Variants in ARMC8 observed in about 807,000 individuals in gnomAD.
ARMC8 encodes the protein armadillo repeat containing 8.
ARMC8 carries 20 observed loss-of-function variants against 99.3 expected under a neutral mutation model. That is an observed-to-expected ratio of 0.20 (90% CI 0.14 to 0.29). ARMC8 has a LOEUF of 0.29. Ranked by LOEUF, ARMC8 falls within the 10% of genes least tolerant of loss-of-function variation. The probability of loss-of-function intolerance (pLI) is 1.00; values close to 1 mark genes in which losing one functional copy is unlikely to be tolerated. For missense variants in ARMC8, 569 were observed against 809.5 expected (o/e 0.70, Z 3.60); for synonymous variants, 263 against 278.3 (o/e 0.95, Z 0.55).
chr3:138,288,811 T>A (rs550727361), intron 19 of ARMC8, among the ~76,000 whole-genome samples: 1 of 152,182 alleles, frequency 6.6e-6, no homozygotes, highest in African/African-American at 2.4e-5. Flanking sequence ...CAAATTTTTG[T>A]ATTTTTAGTA....
intron 18 of ARMC8, among the ~76,000 whole-genome samples, chr3:138,274,793 C>T (rs746341124): frequency 2.0e-5 from 3 of 152,204 alleles, no homozygotes; most frequent in Non-Finnish European, 4.4e-5. Context: ...CTGTCCCTGT[C>T]TCTACAGGAG....
intron 20 of ARMC8, among the ~76,000 whole-genome samples, chr3:138,290,090 G>C (rs1397531118): frequency 1.3e-5 from 2 of 152,232 alleles, no homozygotes; most frequent in Non-Finnish European, 2.9e-5. Context: ...CAGCTGTGCT[G>C]AGAGGCAACA....
At chr3:138,246,854 T>C in intron 12 of ARMC8, 1 of 942,098 alleles carries the variant, frequency 1.1e-6, no homozygotes, top group Non-Finnish European at 1.3e-6. Context: ...TGTAGAAAGA[T>C]GACAAATAAA....
intron 1 of ARMC8, among the ~76,000 whole-genome samples, chr3:138,199,041 A>G (rs371714073): frequency 1.2e-4 from 18 of 152,116 alleles, no homozygotes; most frequent in African/African-American, 4.3e-4. Context: ...TTTCCTTAGT[A>G]TGTTACATTC....
At chr3:138,207,482 C>A (rs2044435873) in intron 1 of ARMC8, among the ~76,000 whole-genome samples, 1 of 152,046 alleles carries the variant, frequency 6.6e-6, no homozygotes. Context: ...TGTTAAGATA[C>A]ACATCATTGA....
At chr3:138,290,913 G>C in intron 21 of ARMC8, among the ~76,000 whole-genome samples, 1 of 152,334 alleles carries the variant, frequency 6.6e-6, no homozygotes, top group Middle Eastern at 3.4e-3. Flanking sequence ...ACATTCGCCT[G>C]ATCATTAGAA....
intron 12 of ARMC8, among the ~76,000 whole-genome samples, chr3:138,255,295 C>CG (rs2047337320): frequency 6.6e-6 from 1 of 151,410 alleles, no homozygotes; most frequent in South Asian, 2.1e-4. Context: ...CTCCACCTCC[C>CG]GGGCTCAGGC....
In ARMC8 at chr3:138,237,567, A is replaced by G; in HGVS notation, c.771A>G (p.Ala257=). ...DKPIEMQLTS[A]KCLTYMCRAG... ...CTATTGAGATGCAGCTCACATCAGCAAAATGGTAAAAGTCAGGACAATGTG... is the reference window on the plus strand; with the variant it reads ...CTATTGAGATGCAGCTCACATCAGCGAAATGGTAAAAGTCAGGACAATGTG... Residue 257 remains alanine (A), a synonymous_variant, in exon 9 of 22, where the codon GCA becomes GCG. Transcript: ENST00000469044. 1.9e-6 allele frequency: 3 copies of G among 1,611,998 alleles called. No individual in the cohort carries two copies. Among genetic ancestry groups the G allele is most frequent in the Non-Finnish European group, 2.5e-6 (3 of 1,179,318 alleles).
intron 2 of ARMC8, among the ~76,000 whole-genome samples, chr3:138,220,836 CG>C (rs779587454): frequency 2.6e-5 from 4 of 151,744 alleles, no homozygotes; most frequent in Non-Finnish European, 5.9e-5. Context: ...ACCACAAGTG[CG>C]TGCCACCACA....
rs1428441949 is a variant in ARMC8, at chr3:138,221,910, CTT to C, written c.123-15_123-14del. The C allele has an allele frequency of 1.3e-6, 2 of 1,599,288 alleles. No homozygotes were observed. Among genetic ancestry groups the C allele is most frequent in the African/African-American group, 2.7e-5 (2 of 74,466 alleles). ...GCTGTCTCAACATACTTTATTTTTT[CTT>C]CCCCTTAATTCAGAGACATGAAAAA... On this transcript the variant is annotated splice_polypyrimidine_tract_variant and intron_variant, in intron 2 of 21. Coordinates refer to ENST00000469044, the MANE Select transcript of ARMC8 (RefSeq NM_001363941.2).
chr3:138,216,766 C>T (rs915391812), intron 2 of ARMC8, among the ~76,000 whole-genome samples: 7 of 152,106 alleles, frequency 4.6e-5, no homozygotes, highest in African/African-American at 1.2e-4. Context: ...TTTCAGTATC[C>T]AGTGTAGTTT....
intron 12 of ARMC8, chr3:138,245,933 CAG>C: frequency 2.0e-6 from 2 of 985,424 alleles, no homozygotes; most frequent in Non-Finnish European, 2.4e-6. Context: ...TCAAGACCAT[CAG>C]AGAGCAAAAC....
At chr3:138,254,726 GT>G (rs2108226426) in intron 12 of ARMC8, among the ~76,000 whole-genome samples, 1 of 152,194 alleles carries the variant, frequency 6.6e-6, no homozygotes, top group Non-Finnish European at 1.5e-5. Flanking sequence ...TATACCTTTG[GT>G]TTTGGGGAAA....
At chr3:138,192,455 T>A (rs2043448847) in intron 1 of ARMC8, among the ~76,000 whole-genome samples, 5 of 151,988 alleles carry the variant, frequency 3.3e-5, no homozygotes, top group Admixed American at 3.3e-4. Flanking sequence ...TTTTTTATAT[T>A]TTTAGTAGAG....
chr3:138,248,811 C>G (rs1462986562), intron 12 of ARMC8, among the ~76,000 whole-genome samples: 1 of 152,160 alleles, frequency 6.6e-6, no homozygotes, highest in Non-Finnish European at 1.5e-5. Context: ...AATTAAAATT[C>G]AAGGAAATTG....
rs1178525671 is a variant in ARMC8 at position 138,209,884 on chromosome 3, A to G, written c.113A>G (p.Gln38Arg). 3.1e-6 allele frequency: 5 copies of G among 1,613,256 alleles called. No homozygotes were observed. The highest frequency in any genetic ancestry group is 4.2e-6 in the Non-Finnish European group (5 of 1,179,392). The change falls in exon 2 of 22, where the codon CAA becomes CGA. Residue 38 changes from glutamine to arginine, a missense_variant. Around this residue, in one of 2 missense-constraint regions of ARMC8, gnomAD observed 342 missense variants for 391.6 expected, o/e 0.87. Coordinates refer to ENST00000469044, the MANE Select transcript of ARMC8 (RefSeq NM_001363941.2). Reference protein sequence around the residue: ...LFDPDPQKVLQGVIDMKNAVI... With the variant: ...LFDPDPQKVLRGVIDMKNAVI... The stretch of plus-strand genomic sequence containing the variant: ...GACCCTGATCCCCAGAAAGTTCTAC[A>G]AGGTGTCATGTAAGTAGTATGTATT...
At chr3:138,275,901 TA>T (rs373301804) in intron 18 of ARMC8, among the ~76,000 whole-genome samples, 7 of 152,308 alleles carry the variant, frequency 4.6e-5, no homozygotes, top group African/African-American at 1.2e-4. Flanking sequence ...TATAATCTCA[TA>T]AGCATCACTA....
rs570905164 is a variant in ARMC8, at chr3:138,187,602, G to A, written c.45+3G>A. 2.5e-5 allele frequency: 38 copies of A among 1,535,610 alleles called. 2 individuals carry two copies. In the South Asian group the frequency reaches 4.4e-4, roughly 18 times the overall value. On this transcript the variant is annotated splice_donor_region_variant and intron_variant, in intron 1 of 21. Coordinates refer to ENST00000469044, the MANE Select transcript of ARMC8 (RefSeq NM_001363941.2). ...CAATCCGCATGAGCGTCCTTTCGGT[G>A]AGTGACCCGCCGCGGCCGCCCGCCC...
chr3:138,239,283 CAGTT>C (rs2046486189), intron 9 of ARMC8, 181 bp from the exon 10 acceptor site: 5 of 510,842 alleles, frequency 9.8e-6, no homozygotes, highest in East Asian at 3.5e-5. Flanking sequence ...CTGTATTTGT[CAGTT>C]AGTTTTCTTT....
Sources: allele counts gnomAD v4.1 joint callset (sites outside exome capture counted in the v4.1 genomes callset), GRCh38; gene constraint gnomAD v4.1.1; regional missense constraint gnomAD v4.1.1; transcripts MANE v1.5; gene names NCBI Gene and HGNC (gene_info 2026-07-23, HGNC 2026-07-21).